DOCK3: variants seen among roughly 807,000 people sequenced by gnomAD.
DOCK3 encodes dedicator of cytokinesis protein 3.
A neutral mutation model predicts 265.6 loss-of-function variants in DOCK3; 60 were observed. That is an observed-to-expected ratio of 0.23 (90% CI 0.18 to 0.28). The LOEUF is 0.28. DOCK3 is among the 10% of genes least tolerant of loss of function. The probability of loss-of-function intolerance (pLI) is 1.00; values close to 1 mark genes in which losing one functional copy is unlikely to be tolerated. For synonymous variants in DOCK3, 881 were observed against 938.0 expected, an observed-to-expected ratio of 0.94 and a Z score of 1.11; for missense variants, 1,981 against 2,594.3, an observed-to-expected ratio of 0.76 and a Z score of 5.14.
chr3:51,310,049 C>A (rs1212484060), intron 27 of DOCK3, among the ~76,000 whole-genome samples, 183 bp from the exon 28 acceptor site: 1 of 152,184 alleles, frequency 6.6e-6, no homozygotes, highest in Non-Finnish European at 1.5e-5. Flanking sequence ...TCCATCTGGC[C>A]TGTGAGAGTA....
chr3:51,374,576 G>C lies in DOCK3; in HGVS notation c.5401G>C (p.Glu1801Gln). The C allele has an allele frequency of 6.2e-7, 1 of 1,612,306 alleles. No individual in the cohort carries two copies. Among genetic ancestry groups the C allele is most frequent in the Non-Finnish European group, 8.5e-7 (1 of 1,179,234 alleles). Residue 1801 changes from glutamate (E) to glutamine (Q), a missense_variant, in exon 50 of 53, where the codon GAG becomes CAG. Glu to Gln is a conservative substitution (Grantham distance 29). Coordinates refer to ENST00000266037, the MANE Select transcript of DOCK3 (RefSeq NM_004947.5). This position sits in a 1 kb window ranked among gnomAD's most constrained non-coding sequence, Gnocchi z 4.8. Reference sequence around the variant, plus strand: ...TGCCATGTATCCAGCAGCCATCCTGGAGAACGGACAGGTAATAGACCCACC... The same window carrying C: ...TGCCATGTATCCAGCAGCCATCCTGCAGAACGGACAGGTAATAGACCCACC... The part of the protein sequence containing the change: ...SSAMYPAAIL[E>Q]NGQPPNFQRA...
chr3:51,365,307 G>A (rs554761341), intron 49 of DOCK3, among the ~76,000 whole-genome samples: 1 of 152,182 alleles, frequency 6.6e-6, no homozygotes, highest in Non-Finnish European at 1.5e-5. Context: ...TGGTGTATAG[G>A]AATGCTTGTG....
intron 4 of DOCK3, among the ~76,000 whole-genome samples, chr3:50,904,950 A>G (rs2049402074): frequency 6.6e-6 from 1 of 152,012 alleles, no homozygotes; most frequent in African/African-American, 2.4e-5. Flanking sequence ...AAGGTGTAAG[A>G]AAGGGATCCA....
At chr3:51,018,705 C>A (rs1300086326) in intron 5 of DOCK3, among the ~76,000 whole-genome samples, 6 of 151,716 alleles carry the variant, frequency 4.0e-5, no homozygotes, top group African/African-American at 1.2e-4. Flanking sequence ...TAGTTTTAGA[C>A]CTGAAACAAA....
intron 6 of DOCK3, among the ~76,000 whole-genome samples, chr3:51,067,890 T>G (rs555357681): frequency 1.3e-5 from 2 of 152,304 alleles, no homozygotes; most frequent in Admixed American, 6.5e-5. Flanking sequence ...AACAGACTGT[T>G]CCACACAAAA....
chr3:50,811,758 G>T (rs1350641319), intron 2 of DOCK3, among the ~76,000 whole-genome samples: 1 of 151,984 alleles, frequency 6.6e-6, no homozygotes. Context: ...GAATAAAAAA[G>T]AATAGAATAA....
intron 4 of DOCK3, among the ~76,000 whole-genome samples, chr3:50,928,128 GAT>G (rs35440218): frequency 0.22 from 31,608 of 142,530 alleles, 3,665 homozygotes; most frequent in South Asian, 0.33. Flanking sequence ...TTATTGTGAT[GAT>G]ATATATATAT....
chr3:50,677,645 G>T (rs2034079754), intron 1 of DOCK3, among the ~76,000 whole-genome samples: 1 of 152,158 alleles, frequency 6.6e-6, no homozygotes, highest in Admixed American at 6.5e-5. Context: ...GAAATTTGTG[G>T]AGGAGGGCCT....
Position 50,890,021 on chromosome 3 carries a change from T to C in DOCK3, c.163-5T>C, listed in dbSNP as rs1383810653. The C allele has an allele frequency of 2.1e-6, 3 of 1,414,582 alleles. No homozygotes were observed. The East Asian group carries it at 8.9e-5, about 42-fold the overall frequency. The allele number at this position is 1,414,582 out of a possible 1,614,324, so 87.6% of individuals were successfully genotyped here. A position where few individuals can be genotyped will look rare whatever the true frequency, so the allele number is the denominator to read the frequency against. On this transcript the variant is annotated splice_region_variant and splice_polypyrimidine_tract_variant and intron_variant, in intron 3 of 52. Transcript: ENST00000266037. ...TTCTAACAGGAAATATTTTCTCTTT[T>C]ACAGGGGATCTTTCCTGCAAATTAC...
At chr3:51,060,186 T>TAAA (rs35488627) in intron 5 of DOCK3, among the ~76,000 whole-genome samples, 126 of 150,012 alleles carry the variant, frequency 8.4e-4, no homozygotes, top group East Asian at 2.5e-3. Context: ...CTATTGCATA[T>TAAA]AAAAAAAAAG....
intron 3 of DOCK3, among the ~76,000 whole-genome samples, chr3:50,861,287 C>T (rs1486960342): frequency 6.6e-6 from 1 of 151,856 alleles, no homozygotes; most frequent in Admixed American, 6.6e-5. Flanking sequence ...ATTTACTCAC[C>T]CCTTTTGTTC....
chr3:51,020,542 C>G (rs2079539332), intron 5 of DOCK3, among the ~76,000 whole-genome samples: 1 of 151,764 alleles, frequency 6.6e-6, no homozygotes, highest in Non-Finnish European at 1.5e-5. Flanking sequence ...GAAATCTTTG[C>G]CTTTTGCTGT....
chr3:50,926,845 C>T (rs987504986), intron 4 of DOCK3, among the ~76,000 whole-genome samples: 1 of 152,218 alleles, frequency 6.6e-6, no homozygotes, highest in African/African-American at 2.4e-5. Flanking sequence ...GCCTGTGTTA[C>T]AGCACCACCT....
rs377383748 is a variant in DOCK3 at position 51,090,324 on chromosome 3, T to C, written c.686T>C (p.Ile229Thr). Residue 229 changes from isoleucine (I) to threonine (T), a missense_variant, in exon 9 of 53, where the codon ATT becomes ACT. By Grantham distance (89) the Ile-to-Thr change is moderately conservative. Around this residue, in one of 4 missense-constraint regions of DOCK3, gnomAD observed 456 missense variants for 539.0 expected, o/e 0.85. Coordinates refer to ENST00000266037, the MANE Select transcript of DOCK3 (RefSeq NM_004947.5). ...CTGAAGAGTTTCACTTACAATACTA[T>C]TGGGGAAGATACCGATGTCTTCTTT... is the stretch of plus-strand genomic sequence containing the variant. ...LSLKSFTYNT[I>T]GEDTDVFFSL... 8 of 1,604,744 alleles carry C rather than the reference T, an allele frequency of 5.0e-6. No individual in the cohort carries two copies. Among genetic ancestry groups the C allele is most frequent in the East Asian group, 4.5e-5 (2 of 44,740 alleles).
intron 46 of DOCK3, 98 bp downstream of exon 46, chr3:51,358,175 C>A: frequency 7.9e-7 from 1 of 1,273,630 alleles, no homozygotes; most frequent in African/African-American, 1.5e-5. Flanking sequence ...GAGAGGGAGC[C>A]TGGGCAGGGG....
chr3:51,331,957 A>G (rs923715476), intron 33 of DOCK3, among the ~76,000 whole-genome samples: 6 of 152,212 alleles, frequency 3.9e-5, no homozygotes, highest in Non-Finnish European at 8.8e-5. Context: ...TTCTCAACGG[A>G]TAAAGCCACA....
chr3:50,891,212 AGGAG>A (rs1231495389), intron 4 of DOCK3, among the ~76,000 whole-genome samples: 5 of 152,098 alleles, frequency 3.3e-5, no homozygotes, highest in Non-Finnish European at 7.4e-5. Context: ...CAGCTGGCAA[AGGAG>A]ACTGCAAAAC....
chr3:50,956,326 G>A (rs142135800), intron 5 of DOCK3, among the ~76,000 whole-genome samples: 29 of 152,278 alleles, frequency 1.9e-4, no homozygotes, highest in African/African-American at 4.8e-4. Flanking sequence ...TTTAAGAACC[G>A]CAGATTGTCA....
intron 27 of DOCK3, among the ~76,000 whole-genome samples, chr3:51,288,887 T>G (rs73837406): frequency 0.024 from 3,491 of 147,884 alleles, 135 homozygotes; most frequent in African/African-American, 0.081. Context: ...TTTGTGTGGG[T>G]GTGTGTGTGT....
Sources: allele counts gnomAD v4.1 joint callset (sites outside exome capture counted in the v4.1 genomes callset), GRCh38; gene constraint gnomAD v4.1.1; regional missense constraint gnomAD v4.1.1; non-coding constraint Gnocchi (gnomAD v3.1); transcripts MANE v1.5; gene names NCBI Gene and HGNC (gene_info 2026-07-23, HGNC 2026-07-21).